Variants in NOS1AP observed in about 807,000 individuals in gnomAD.
The protein encoded by NOS1AP is nitric oxide synthase 1 adaptor protein, also known as carboxyl-terminal PDZ ligand of neuronal nitric oxide synthase protein.
NOS1AP carries 21 observed loss-of-function variants against 56.2 expected under a neutral mutation model. That is an observed-to-expected ratio of 0.37 (90% CI 0.26 to 0.54). The LOEUF is 0.54. Ranked by LOEUF, NOS1AP falls within the 20% of genes least tolerant of loss-of-function variation. The probability of loss-of-function intolerance (pLI) is 0.84; values close to 1 mark genes in which losing one functional copy is unlikely to be tolerated. For missense variants in NOS1AP, 522 were observed against 657.8 expected (o/e 0.79, Z 2.26); for synonymous variants, 270 against 274.6 (o/e 0.98, Z 0.17).
chr1:162,282,427 A>G (rs955855943), intron 2 of NOS1AP, among the ~76,000 whole-genome samples: 2 of 152,356 alleles, frequency 1.3e-5, no homozygotes, highest in Non-Finnish European at 2.9e-5. Context: ...TTGTATGTAT[A>G]CACCACATTT....
intron 2 of NOS1AP, among the ~76,000 whole-genome samples, chr1:162,224,514 G>C (rs905529500): frequency 2.0e-5 from 3 of 152,190 alleles, no homozygotes; most frequent in Non-Finnish European, 4.4e-5. Context: ...GAATTGGAAT[G>C]CTGGGGGTCA....
chr1:162,363,695 TG>T, intron 8 of NOS1AP: 2 of 702,686 alleles, frequency 2.8e-6, no homozygotes, highest in Non-Finnish European at 3.5e-6. Flanking sequence ...CTTACCACTC[TG>T]GAGATCTCAA....
intron 4 of NOS1AP, among the ~76,000 whole-genome samples, chr1:162,327,768 A>G (rs1366454324): frequency 1.3e-5 from 2 of 152,246 alleles, no homozygotes; most frequent in East Asian, 1.9e-4. Flanking sequence ...TTATCCAAAT[A>G]TACTCTGTGC....
intron 1 of NOS1AP, among the ~76,000 whole-genome samples, chr1:162,149,016 G>A (rs553648048): frequency 2.6e-5 from 4 of 152,194 alleles, no homozygotes; most frequent in Non-Finnish European, 4.4e-5. Context: ...GGATGAGGAA[G>A]GCTAGAGGAG....
At chr1:162,236,285 A>C (rs142513965) in intron 2 of NOS1AP, among the ~76,000 whole-genome samples, 20 of 152,308 alleles carry the variant, frequency 1.3e-4, no homozygotes, top group Non-Finnish European at 2.8e-4. Context: ...CAACTGTGCT[A>C]CCATTTTCCT....
chr1:162,182,971 C>T (rs1263204766), intron 2 of NOS1AP, among the ~76,000 whole-genome samples: 1 of 152,208 alleles, frequency 6.6e-6, no homozygotes, highest in Admixed American at 6.5e-5. Context: ...GTTCTAATGG[C>T]ATCCAGAATG....
intron 2 of NOS1AP, among the ~76,000 whole-genome samples, chr1:162,226,930 T>A (rs531917157): frequency 1.3e-4 from 20 of 151,902 alleles, no homozygotes; most frequent in African/African-American, 4.1e-4. Context: ...TTTTTTTTTT[T>A]AAATCCCCAG....
rs12741188 is a variant in NOS1AP, at chr1:162,359,724, G to C, written c.939+2588G>C. ...GCAAGCTTGGTTTCTCTACGCGGGG[G>C]GGGGCTGATTTCAGTTTCCAGCACG... is the stretch of plus-strand genomic sequence containing the variant. On this transcript the variant is annotated intron_variant, in intron 8 of 9. Coordinates refer to ENST00000361897, the MANE Select transcript of NOS1AP (RefSeq NM_014697.3). Among the ~76,000 whole-genome samples, 487 of 151,358 alleles carry C rather than the reference G, an allele frequency of 3.2e-3. 3 individuals carry two copies. Among genetic ancestry groups the C allele is most frequent in the Middle Eastern group, 0.02 (6 of 294 alleles).
intron 1 of NOS1AP, among the ~76,000 whole-genome samples, chr1:162,074,830 T>C (rs535169388): frequency 2.0e-4 from 30 of 152,342 alleles, no homozygotes; most frequent in African/African-American, 7.2e-4. Context: ...TCGTCCTTCA[T>C]GTGACTATTC....
chr1:162,121,082 AT>A (rs372854857), intron 1 of NOS1AP, among the ~76,000 whole-genome samples: 9,938 of 103,026 alleles, frequency 0.096, 336 homozygotes, highest in African/African-American at 0.18. Flanking sequence ...GCACACTAGG[AT>A]TTTTTTTTTT....
intron 1 of NOS1AP, among the ~76,000 whole-genome samples, chr1:162,136,485 A>G (rs759302564): frequency 5.7e-4 from 87 of 152,192 alleles, no homozygotes; most frequent in Non-Finnish European, 1.5e-5. Context: ...AGATTACCGT[A>G]TCATATGGAA....
At chr1:162,174,485 A>G (rs1650964134) in intron 2 of NOS1AP, among the ~76,000 whole-genome samples, 2 of 152,106 alleles carry the variant, frequency 1.3e-5, no homozygotes, top group African/African-American at 4.8e-5. Flanking sequence ...GGTGCAGCAC[A>G]CCAACATGGC....
At chr1:162,181,692 G>A (rs1651268995) in intron 2 of NOS1AP, among the ~76,000 whole-genome samples, 1 of 152,136 alleles carries the variant, frequency 6.6e-6, no homozygotes, top group Admixed American at 6.5e-5. Flanking sequence ...GCTTCCTGAT[G>A]GCCAGGAATG....
chr1:162,161,229 A>T (rs1195288179), intron 2 of NOS1AP, among the ~76,000 whole-genome samples: 1 of 152,180 alleles, frequency 6.6e-6, no homozygotes, highest in African/African-American at 2.4e-5. Flanking sequence ...GCCCTTTGTC[A>T]TGTGAGGTAA....
intron 1 of NOS1AP, among the ~76,000 whole-genome samples, chr1:162,080,572 G>T (rs1331717260): frequency 6.6e-6 from 1 of 152,204 alleles, no homozygotes; most frequent in Non-Finnish European, 1.5e-5. Flanking sequence ...AATTCCCTTG[G>T]CATGTGAGTG....
chr1:162,197,128 A>C (rs1048494137), intron 2 of NOS1AP, among the ~76,000 whole-genome samples: 1 of 152,170 alleles, frequency 6.6e-6, no homozygotes, highest in African/African-American at 2.4e-5. Context: ...CATGTTGTTG[A>C]GTAATAATTA....
At chr1:162,364,588 G>T (rs1200549244) in intron 8 of NOS1AP, 1 of 985,346 alleles carries the variant, frequency 1.0e-6, no homozygotes, top group Admixed American at 6.1e-5. Flanking sequence ...CAACTGCTCT[G>T]CCTTAAGAAG....
At chr1:162,364,953 T>G in intron 8 of NOS1AP, 1 of 1,029,212 alleles carries the variant, frequency 9.7e-7, no homozygotes, top group Non-Finnish European at 1.2e-6. Context: ...GTTTTGGTTT[T>G]GTTTTTTAGA....
intron 5 of NOS1AP, among the ~76,000 whole-genome samples, chr1:162,339,483 G>C (rs57791010): frequency 0.019 from 2,845 of 151,846 alleles, 75 homozygotes; most frequent in African/African-American, 0.063. Flanking sequence ...GGTTCCACTT[G>C]TTTACCCTTT....
Sources: allele counts gnomAD v4.1 joint callset (sites outside exome capture counted in the v4.1 genomes callset), GRCh38; gene constraint gnomAD v4.1.1; transcripts MANE v1.5; gene names NCBI Gene and HGNC (gene_info 2026-07-23, HGNC 2026-07-21).